Variants in ERCC6L2 observed in about 807,000 individuals in gnomAD.
ERCC6L2 encodes the protein ERCC excision repair 6 like 2.
Under a neutral mutation model 132.0 loss-of-function variants are expected in ERCC6L2, and 77 were observed. The observed-to-expected ratio is 0.58, with a 90% CI of 0.49 to 0.71. The LOEUF (loss-of-function observed/expected upper bound fraction) is 0.71. Among genes scored for constraint, ERCC6L2 ranks in the 30% least tolerant of loss-of-function variants. The pLI is 0.00. For synonymous variants in ERCC6L2, 583 were observed against 632.4 expected (o/e 0.92, Z 1.17); for missense variants, 1,542 against 1,837.6 (o/e 0.84, Z 2.94).
At chr9:95,937,105 A>G (rs1270732310) in intron 11 of ERCC6L2, among the ~76,000 whole-genome samples, 1 of 152,156 alleles carries the variant, frequency 6.6e-6, no homozygotes, top group Non-Finnish European at 1.5e-5. Context: ...CTTTTGTTTG[A>G]ACATTAGTTT....
intron 19 of ERCC6L2, among the ~76,000 whole-genome samples, chr9:96,034,423 A>G (rs918113048): frequency 2.0e-5 from 3 of 152,204 alleles, no homozygotes; most frequent in Non-Finnish European, 2.9e-5. Context: ...TTCCTTCTCA[A>G]TGCCCATCAG....
At chr9:95,979,070 A>G (rs1832787917) in intron 17 of ERCC6L2, among the ~76,000 whole-genome samples, 1 of 152,242 alleles carries the variant, frequency 6.6e-6, no homozygotes. Context: ...TGAAAGTTTA[A>G]GACAGGGAGA....
At chr9:95,876,259 C>T in intron 1 of ERCC6L2, 175 bp downstream of exon 1, 1 of 563,518 alleles carries the variant, frequency 1.8e-6, no homozygotes, top group Non-Finnish European at 3.1e-6. Context: ...GTGTTGAGAA[C>T]CTGGACTCGG....
intron 6 of ERCC6L2, among the ~76,000 whole-genome samples, chr9:95,916,910 C>G (rs1829625373): frequency 6.6e-6 from 1 of 152,054 alleles, no homozygotes; most frequent in Non-Finnish European, 1.5e-5. Flanking sequence ...GTTTCGAACT[C>G]CTGACCTCAG....
At position 96,005,042 on chromosome 9, in the gene ERCC6L2, G is replaced by A. The variant is rs548835093; in HGVS notation, c.3674+341G>A. 7.2e-4 allele frequency among the ~76,000 whole-genome samples: 109 copies of A among 152,288 alleles called. 1 individual carries two copies. The South Asian group carries it at 0.015, about 21-fold the overall frequency. On this transcript the variant is annotated intron_variant, in intron 18 of 18. Transcript: ENST00000653738. The stretch of plus-strand genomic sequence containing the variant: ...GTGTAAAAAAAGGACAGCAGGGTGC[G>A]GTGGCTCATGCTTGTAATCTCAGCA...
At chr9:96,005,199 G>C (rs540819908) in intron 18 of ERCC6L2, among the ~76,000 whole-genome samples, 3 of 152,220 alleles carry the variant, frequency 2.0e-5, no homozygotes, top group Admixed American at 1.3e-4. Context: ...TGTAGTCCCA[G>C]CTACTCAGGA....
At chr9:96,003,496 C>T (rs657451) in intron 17 of ERCC6L2, among the ~76,000 whole-genome samples, 47,295 of 152,086 alleles carry the variant, frequency 0.31, 7,438 homozygotes, top group East Asian at 0.4. Context: ...TACTTCTAGC[C>T]TGTGTGCCAG....
intron 12 of ERCC6L2, among the ~76,000 whole-genome samples, chr9:95,947,987 AAC>A (rs1271601364): frequency 6.6e-6 from 1 of 152,254 alleles, no homozygotes; most frequent in Non-Finnish European, 1.5e-5. Context: ...TTTATGCAGT[AAC>A]ACAACATCCA....
intron 17 of ERCC6L2, among the ~76,000 whole-genome samples, chr9:95,997,190 TATC>T (rs1833500765): frequency 6.6e-6 from 1 of 152,244 alleles, no homozygotes; most frequent in Non-Finnish European, 1.5e-5. Context: ...CCATTTTAGA[TATC>T]ATTGAAAACA....
intron 18 of ERCC6L2, among the ~76,000 whole-genome samples, chr9:96,007,926 G>T (rs1020876888): frequency 6.6e-6 from 1 of 152,136 alleles, no homozygotes; most frequent in Non-Finnish European, 1.5e-5. Context: ...CAGGCAGCTG[G>T]TTCCTCAGCT....
chr9:96,017,671 G>A lies in ERCC6L2; in HGVS notation c.*4468G>A, dbSNP rs1486037429. Among the ~76,000 whole-genome samples the A allele has an allele frequency of 6.6e-6, 1 of 152,192 alleles. No individual in the cohort carries two copies. The highest frequency in any genetic ancestry group is 1.5e-5 in the Non-Finnish European group (1 of 68,030). Reference sequence around the variant, plus strand: ...CCCTGGGACACAGTATTTCCAGAGAGGTGCTTCAGTTGCCCCACCACGACT... The same window carrying A: ...CCCTGGGACACAGTATTTCCAGAGAAGTGCTTCAGTTGCCCCACCACGACT... On this transcript the variant is annotated 3_prime_UTR_variant, in exon 19 of 19. Transcript: ENST00000653738.
intron 12 of ERCC6L2, among the ~76,000 whole-genome samples, chr9:95,951,574 G>A (rs879390437): frequency 6.6e-6 from 1 of 152,064 alleles, no homozygotes; most frequent in Admixed American, 6.5e-5. Flanking sequence ...TTGACTAAGA[G>A]AAAGAAGACT....
At chr9:96,029,098 A>T (rs764890655) in intron 19 of ERCC6L2, among the ~76,000 whole-genome samples, 1 of 151,986 alleles carries the variant, frequency 6.6e-6, no homozygotes, top group Non-Finnish European at 1.5e-5. Flanking sequence ...AGGTCAGGAG[A>T]TCGAGACCAT....
intron 12 of ERCC6L2, among the ~76,000 whole-genome samples, chr9:95,948,459 C>T (rs1447328637): frequency 1.3e-5 from 2 of 152,272 alleles, no homozygotes; most frequent in South Asian, 2.1e-4. Flanking sequence ...TTGAGACCAG[C>T]CTGGCCAACA....
At chr9:96,021,123 G>A (rs1320621356), downstream of ERCC6L2, 1 of 394,650 alleles carries the variant, frequency 2.5e-6, no homozygotes, top group Non-Finnish European at 5.1e-6. The surrounding 1 kb of genome is among the most constrained non-coding windows in gnomAD (Gnocchi z 4.7). Context: ...ACTCTCAGGC[G>A]TCCCGGGGAA....
rs755357500 is a variant in ERCC6L2, at chr9:96,012,631, G to C, written c.4081G>C (p.Val1361Leu). ...FNDAETKKSP[V>L]SSTQEIDSGK... ...TGATGCAGAAACTAAGAAATCACCTGTTAGTTCTACTCAAGAGATTGACAG... is the reference window on the plus strand; with the variant it reads ...TGATGCAGAAACTAAGAAATCACCTCTTAGTTCTACTCAAGAGATTGACAG... Residue 1361 changes from valine (V) to leucine (L), a missense_variant, in exon 19 of 19, where the codon GTT becomes CTT. Coordinates refer to ENST00000653738, the MANE Select transcript of ERCC6L2 (RefSeq NM_020207.7). The C allele has an allele frequency of 8.0e-6, 11 of 1,367,602 alleles. No homozygotes were observed. The Admixed American group carries it at 2.1e-4, about 26-fold the overall frequency. The allele number at this position is 1,367,602 out of a possible 1,614,324, so 84.7% of individuals were successfully genotyped here.
Position 95,893,950 on chromosome 9 carries a change from T to C in ERCC6L2, c.472-3899T>C, listed in dbSNP as rs189784646. ...GATAACTGATTAATAGTCCCTCTTC[T>C]TTCCTAATACAGATGCTCCTTGACT... On this transcript the variant is annotated intron_variant, in intron 2 of 18. Transcript: ENST00000653738. 6.7e-4 allele frequency among the ~76,000 whole-genome samples: 102 copies of C among 152,332 alleles called. 1 individual carries two copies. Among genetic ancestry groups the C allele is most frequent in the Non-Finnish European group, 1.3e-3 (91 of 68,012 alleles).
intron 13 of ERCC6L2, among the ~76,000 whole-genome samples, chr9:95,963,749 T>C (rs1351211511): frequency 6.6e-6 from 1 of 152,066 alleles, no homozygotes; most frequent in Non-Finnish European, 1.5e-5. Context: ...CCTTGACAGC[T>C]TTAAAGAATA....
intron 4 of ERCC6L2, among the ~76,000 whole-genome samples, chr9:95,911,441 A>T (rs934596994): frequency 6.6e-6 from 1 of 152,072 alleles, no homozygotes; most frequent in Non-Finnish European, 1.5e-5. Flanking sequence ...GATTGTTATA[A>T]ATATTGTTAT....
Sources: gnomAD v4.1 joint callset for allele counts (sites outside exome capture counted in the v4.1 genomes callset) on GRCh38, gnomAD v4.1.1 for gene constraint, Gnocchi (gnomAD v3.1) non-coding constraint, MANE v1.5 for transcripts, NCBI Gene and HGNC (gene_info 2026-07-23, HGNC 2026-07-21) for gene names.